The following GSE1 variants were observed in gnomAD, a reference collection of about 807,000 sequenced individuals.
GSE1 encodes the protein Gse1 coiled-coil protein, also known as genetic suppressor element 1.
Under a neutral mutation model 112.6 loss-of-function variants are expected in GSE1, and 32 were observed. That is an observed-to-expected ratio of 0.28 (90% CI 0.21 to 0.38). The LOEUF (loss-of-function observed/expected upper bound fraction) is 0.38. Among genes scored for constraint, GSE1 ranks in the 10% least tolerant of loss-of-function variants. The probability of loss-of-function intolerance (pLI) is 1.00; values close to 1 mark genes in which losing one functional copy is unlikely to be tolerated. For synonymous variants in GSE1, 1,115 were observed against 735.6 expected (o/e 1.52, Z -8.35); for missense variants, 2,348 against 1,699.2 (o/e 1.38, Z -6.71).
At chr16:85,644,620 T>C (rs779765941) in intron 2 of GSE1, among the ~76,000 whole-genome samples, 4 of 152,150 alleles carry the variant, frequency 2.6e-5, no homozygotes, top group South Asian at 2.1e-4. Flanking sequence ...GGCCCTTCTT[T>C]AGAGACGGAG....
chr16:85,417,368 C>G (rs891366949), intron 2 of GSE1, among the ~76,000 whole-genome samples: 4 of 151,666 alleles, frequency 2.6e-5, no homozygotes, highest in Admixed American at 6.6e-5. Flanking sequence ...CCTGCACAGC[C>G]TGTCAGGCCG....
upstream of GSE1, chr16:85,555,166 G>C (rs2045138614): frequency 2.0e-6 from 2 of 985,318 alleles, no homozygotes; most frequent in Non-Finnish European, 1.2e-6. Flanking sequence ...GCTTTCATTA[G>C]GGGAGACAAA....
At chr16:85,553,439 G>GGCGGGC (rs1456942250), upstream of GSE1, among the ~76,000 whole-genome samples, 3 of 151,740 alleles carry the variant, frequency 2.0e-5, no homozygotes, top group African/African-American at 7.3e-5. Context: ...AGAGGTTGGC[G>GGCGGGC]GCGGGCGCGG....
Position 85,675,525 on chromosome 16 carries a change from T to C in GSE1, c.*2986T>C, listed in dbSNP as rs529229105. On this transcript the variant is annotated 3_prime_UTR_variant, in exon 16 of 16. Coordinates refer to ENST00000253458, the MANE Select transcript of GSE1 (RefSeq NM_014615.5). ...GAATTGGGACTAACATTCTGATAGGTTGCACCCTTAAGAGTATTCAGAGAG... is the reference window on the plus strand; with the variant it reads ...GAATTGGGACTAACATTCTGATAGGCTGCACCCTTAAGAGTATTCAGAGAG... 6.6e-6 allele frequency: 1 copy of C among 152,322 alleles called. No individual in the cohort carries two copies. Among genetic ancestry groups the C allele is most frequent in the African/African-American group, 2.4e-5 (1 of 41,570 alleles). 9.4% of individuals were successfully genotyped at this position (152,322 alleles called of 1,614,324 possible).
chr16:85,599,253 C>T (rs1008909572), intron 1 of GSE1, among the ~76,000 whole-genome samples: 1 of 152,092 alleles, frequency 6.6e-6, no homozygotes, highest in Admixed American at 6.6e-5. Context: ...GAGAGAGAGG[C>T]GGGGGAGAAG....
intron 1 of GSE1, among the ~76,000 whole-genome samples, chr16:85,578,747 C>T (rs1038931670): frequency 3.3e-5 from 5 of 152,200 alleles, no homozygotes; most frequent in African/African-American, 1.2e-4. Context: ...CACATGGCCC[C>T]ACCTCAGGGC....
At chr16:85,302,909 G>T (rs867700133) in intron 1 of GSE1, among the ~76,000 whole-genome samples, 25 of 152,334 alleles carry the variant, frequency 1.6e-4, no homozygotes, top group Non-Finnish European at 3.1e-4. Flanking sequence ...GTCCAACGGG[G>T]TGCTCAGTGG....
At chr16:85,562,862 T>C (rs2045584515) in intron 1 of GSE1, among the ~76,000 whole-genome samples, 1 of 152,220 alleles carries the variant, frequency 6.6e-6, no homozygotes. Context: ...TTCTCTTCCT[T>C]AGACTTTTGG....
At position 85,309,172 on chromosome 16, in the gene GSE1, A is replaced by G. The variant is rs994739272; in HGVS notation, c.2284-48291A>G. On this transcript the variant is annotated intron_variant, in intron 1 of 2. Coordinates refer to the GSE1 transcript ENST00000637419. ...ACAGGAAACAGAATGCCAGCCAGAT[A>G]CAGGATTTTAAATGGTCCAGTAGCC... 5.9e-5 allele frequency among the ~76,000 whole-genome samples: 9 copies of G among 152,004 alleles called. 1 individual carries two copies. Among genetic ancestry groups the G allele is most frequent in the Non-Finnish European group, 1.3e-4 (9 of 67,998 alleles).
chr16:85,241,472 A>T (rs1470911091), intron 1 of GSE1, among the ~76,000 whole-genome samples: 6 of 152,174 alleles, frequency 3.9e-5, no homozygotes, highest in Admixed American at 3.9e-4. Flanking sequence ...CACCAGGGAA[A>T]TGGGCGGGTA....
intron 1 of GSE1, among the ~76,000 whole-genome samples, chr16:85,331,493 G>GTA (rs993518877): frequency 2.7e-5 from 3 of 112,938 alleles, no homozygotes; most frequent in East Asian, 6.6e-4. Flanking sequence ...GTATATATGT[G>GTA]TATATGTGTA....
At chr16:85,337,444 T>C (rs1310367588) in intron 1 of GSE1, among the ~76,000 whole-genome samples, 1 of 151,816 alleles carries the variant, frequency 6.6e-6, no homozygotes, top group African/African-American at 2.4e-5. Flanking sequence ...TAGCTGGGAC[T>C]ACAGGCGCCC....
In GSE1 at chr16:85,656,626, C is replaced by T. The variant is rs1001784439; in HGVS notation, c.1273C>T (p.Arg425Trp). The change falls in exon 7 of 16, where the codon CGG (arginine) becomes TGG (tryptophan). Residue 425 changes from arginine to tryptophan, a missense_variant. By Grantham distance (101) the Arg-to-Trp change is moderately radical. Coordinates refer to ENST00000253458, the MANE Select transcript of GSE1 (RefSeq NM_014615.5). ...HGLRGHATEE[R>W]GKPSEQLTPT... The stretch of plus-strand genomic sequence containing the variant: ...GCTGCGTGGCCATGCCACTGAGGAG[C>T]GGGGCAAGCCCTCGGAGCAGCTGAC... 38 of 1,539,160 alleles carry T rather than the reference C, an allele frequency of 2.5e-5. No individual in the cohort carries two copies. In the Admixed American group the frequency reaches 2.8e-4, roughly 11 times the overall value.
At chr16:85,658,060 G>A (rs182454381) in intron 8 of GSE1, among the ~76,000 whole-genome samples, 3 of 152,210 alleles carry the variant, frequency 2.0e-5, no homozygotes, top group African/African-American at 7.2e-5. Flanking sequence ...TGTATTAATA[G>A]TAAAAACACA....
chr16:85,262,009 G>T (rs1308569317), intron 1 of GSE1, among the ~76,000 whole-genome samples: 1 of 152,156 alleles, frequency 6.6e-6, no homozygotes, highest in Non-Finnish European at 1.5e-5. Flanking sequence ...GACTGAGGCC[G>T]AGCAGGTGAG....
intron 1 of GSE1, among the ~76,000 whole-genome samples, chr16:85,598,400 C>G (rs1428003645): frequency 6.6e-6 from 1 of 152,124 alleles, no homozygotes; most frequent in African/African-American, 2.4e-5. Context: ...GGAGAATGCC[C>G]AGCCCCATCC....
intron 2 of GSE1, among the ~76,000 whole-genome samples, chr16:85,536,159 G>A (rs929258604): frequency 5.3e-5 from 8 of 152,226 alleles, no homozygotes; most frequent in African/African-American, 1.9e-4. Context: ...GCGATTAATG[G>A]GTTTTGGCCA....
intron 1 of GSE1, among the ~76,000 whole-genome samples, chr16:85,303,111 G>C (rs2045571719): frequency 1.3e-5 from 2 of 152,226 alleles, no homozygotes; most frequent in African/African-American, 4.8e-5. Context: ...GCGAGGAAAC[G>C]GGTTTAGTGA....
intron 1 of GSE1, among the ~76,000 whole-genome samples, chr16:85,624,432 C>T (rs1021472761): frequency 2.6e-5 from 4 of 152,188 alleles, no homozygotes; most frequent in Admixed American, 2.0e-4. Context: ...GGGGAGGCCT[C>T]GAGTCCAGAG....
Sources: gnomAD v4.1 joint callset for allele counts (sites outside exome capture counted in the v4.1 genomes callset) on GRCh38, gnomAD v4.1.1 for gene constraint, MANE v1.5 for transcripts, NCBI Gene and HGNC (gene_info 2026-07-23, HGNC 2026-07-21) for gene names.